Variants in CIITA observed in about 807,000 individuals in gnomAD.
CIITA encodes the protein class II major histocompatibility complex transactivator, also known as MHC class II transactivator.
In CIITA, 72 loss-of-function variants were observed where a neutral mutation model predicts 115.1. The observed-to-expected ratio is 0.63, with a 90% CI of 0.52 to 0.76. CIITA has a LOEUF of 0.76. Among genes scored for constraint, CIITA ranks in the 30% least tolerant of loss-of-function variants. The probability of loss-of-function intolerance (pLI) is 0.00; values close to 1 mark genes in which losing one functional copy is unlikely to be tolerated. For missense variants in CIITA, 1,617 were observed against 1,463.8 expected (o/e 1.10, Z -1.71); for synonymous variants, 763 against 635.6 (o/e 1.20, Z -3.02).
At position 10,904,785 on chromosome 16, in the gene CIITA, G is replaced by T. The variant is rs148597952; in HGVS notation, c.979G>T (p.Val327Phe). 3.7e-6 allele frequency: 6 copies of T among 1,614,038 alleles called. No homozygotes were observed. The highest frequency in any genetic ancestry group is 5.1e-6 in the Non-Finnish European group (6 of 1,180,012). The change falls in exon 10 of 20, where the codon GTC becomes TTC. Residue 327 changes from valine to phenylalanine, a missense_variant. By Grantham distance (50) the Val-to-Phe change is conservative. Transcript: ENST00000324288. The stretch of plus-strand genomic sequence containing the variant: ...CACCCAATGCCCGGCAGCTGGAGAG[G>T]TCTCCAACAAGCTTCCAAAATGGCC... The part of the protein sequence containing the change: ...SPTQCPAAGE[V>F]SNKLPKWPEP...
At chr16:10,922,943 G>A (rs1233387495) in intron 18 of CIITA, 1 of 539,378 alleles carries the variant, frequency 1.9e-6, no homozygotes, top group African/African-American at 1.9e-5. Context: ...GACGCACAGG[G>A]TGGGTCTTAC....
chr16:10,880,382 T>C (rs1323064253), intron 1 of CIITA, among the ~76,000 whole-genome samples: 2 of 152,244 alleles, frequency 1.3e-5, no homozygotes, highest in African/African-American at 4.8e-5. Flanking sequence ...CAAAAGTCCC[T>C]CAAGTCAGAG....
chr16:10,877,905 G>C (rs190981356), intron 1 of CIITA, among the ~76,000 whole-genome samples: 74 of 152,290 alleles, frequency 4.9e-4, no homozygotes, highest in African/African-American at 1.7e-3. Context: ...GTCAGGGGAC[G>C]GGGGAACAGA....
intron 13 of CIITA, chr16:10,915,149 C>G (rs1028055162): frequency 1.2e-5 from 5 of 423,424 alleles, no homozygotes; most frequent in Non-Finnish European, 2.3e-5. Context: ...CTCCTGGGCT[C>G]AAGCGATGCT....
intron 13 of CIITA, chr16:10,915,208 C>T (rs2039868817): frequency 1.1e-5 from 4 of 378,392 alleles, no homozygotes; most frequent in South Asian, 8.3e-5. Context: ...CACCACCACA[C>T]TTGGCTAATT....
chr16:10,922,056 C>T, intron 16 of CIITA, 111 bp from the exon 17 acceptor site: 1 of 946,622 alleles, frequency 1.1e-6, no homozygotes, highest in South Asian at 1.3e-5. Context: ...TTGATTCCTT[C>T]CCCCAGGGAT....
downstream of CIITA, chr16:10,937,996 G>C (rs2041052640): frequency 6.6e-6 from 1 of 152,200 alleles, no homozygotes; most frequent in African/African-American, 2.4e-5. The surrounding 1 kb of genome is among the most constrained non-coding windows in gnomAD (Gnocchi z 4.2). Flanking sequence ...CTGCTCACAG[G>C]ATATAAATAT....
rs894745855 is a variant in CIITA, at chr16:10,929,622, G to A, written c.*5767G>A. On this transcript the variant is annotated 3_prime_UTR_variant, in exon 20 of 20. Coordinates refer to ENST00000324288, the MANE Select transcript of CIITA (RefSeq NM_000246.4). The surrounding 1 kb of genome is among the most constrained non-coding windows in gnomAD (Gnocchi z 4.3). ...GCCCCACCCTGCCACCAGGTTGGCTGGGGACAGGGACCAATCCACCAGGCT... is the reference window on the plus strand; with the variant it reads ...GCCCCACCCTGCCACCAGGTTGGCTAGGGACAGGGACCAATCCACCAGGCT... The A allele has an allele frequency of 6.0e-5, 58 of 964,404 alleles. No homozygotes were observed. The African/African-American group carries it at 9.1e-4, about 15-fold the overall frequency. The allele number at this position is 964,404 out of a possible 1,614,324, so 59.7% of individuals were successfully genotyped here. A position where few individuals can be genotyped will look rare whatever the true frequency, so the allele number is the denominator to read the frequency against.
chr16:10,884,679 C>G (rs1482444262), intron 1 of CIITA, among the ~76,000 whole-genome samples: 2 of 152,178 alleles, frequency 1.3e-5, no homozygotes, highest in Non-Finnish European at 2.9e-5. Context: ...CCTCAGCCTC[C>G]CAAAGTGCTG....
chr16:10,902,225 TG>T (rs1188629590), intron 7 of CIITA, 41 bp downstream of exon 7: 2 of 1,612,470 alleles, frequency 1.2e-6, no homozygotes, highest in Non-Finnish European at 1.7e-6. Context: ...TTCTCCCTCT[TG>T]GGAGGTGGAT....
At chr16:10,911,965 A>G (rs935221874) in intron 13 of CIITA, among the ~76,000 whole-genome samples, 4 of 152,212 alleles carry the variant, frequency 2.6e-5, no homozygotes, top group African/African-American at 9.7e-5. Flanking sequence ...TGAGAACAAG[A>G]GACTTTAAAT....
In CIITA at chr16:10,925,334, G is replaced by A. The variant is rs2040487486; in HGVS notation, c.*1479G>A. The A allele has an allele frequency of 6.6e-6, 1 of 152,244 alleles. No individual in the cohort carries two copies. Among genetic ancestry groups the A allele is most frequent in the Non-Finnish European group, 1.5e-5 (1 of 68,076 alleles). 9.4% of individuals were successfully genotyped at this position (152,244 alleles called of 1,614,324 possible). A position where few individuals can be genotyped will look rare whatever the true frequency, so the allele number is the denominator to read the frequency against. ...ACATATATATGTTTTAAGAGGCAGG[G>A]TCTCACTCTGTCGCCCAGTCTGGAA... On this transcript the variant is annotated 3_prime_UTR_variant, in exon 20 of 20. Transcript: ENST00000324288.
chr16:10,941,602 G>C lies in CIITA; in HGVS notation n.728G>C. On this transcript the variant is annotated non_coding_transcript_exon_variant, in exon 2 of 2. Coordinates refer to the CIITA transcript ENST00000573379. This position sits in a 1 kb window ranked among gnomAD's most constrained non-coding sequence, Gnocchi z 6.4. ...GAGGCAGGGGAGGGTCTCCTCCTGGGGAACCATCCCCGTCCAGATGGTGCC... is the reference window on the plus strand; with the variant it reads ...GAGGCAGGGGAGGGTCTCCTCCTGGCGAACCATCCCCGTCCAGATGGTGCC... 1 of 1,488,402 alleles carries C rather than the reference G, an allele frequency of 6.7e-7. No individual in the cohort carries two copies. The highest frequency in any genetic ancestry group is 8.9e-7 in the Non-Finnish European group (1 of 1,120,450). The allele number at this position is 1,488,402 out of a possible 1,614,324, so 92.2% of individuals were successfully genotyped here.
chr16:10,907,982 C>G lies in CIITA; in HGVS notation c.2490C>G (p.Pro830=), dbSNP rs909171126. The change falls in exon 11 of 20, where the codon CCC becomes CCG. Residue 830 remains proline (P), a synonymous_variant. Transcript: ENST00000324288. This position sits in a 1 kb window ranked among gnomAD's most constrained non-coding sequence, Gnocchi z 5.0. ...GIWQHVVQEL[P]GRLSFLGTRL... is the part of the protein sequence containing the mutation. ...GGCAGCACGTGGTACAGGAGCTCCC[C>G]GGCCGCCTCTCTTTTCTGGGCACCC... 6.3e-7 allele frequency: 1 copy of G among 1,584,758 alleles called. No homozygotes were observed. The highest frequency in any genetic ancestry group is 8.6e-7 in the Non-Finnish European group (1 of 1,163,634).
At chr16:10,875,061 C>T (rs1284038640), upstream of CIITA, among the ~76,000 whole-genome samples, 7 of 152,082 alleles carry the variant, frequency 4.6e-5, no homozygotes, top group Non-Finnish European at 8.8e-5. Context: ...CTCCACCTCC[C>T]GGGTTCATGT....
At position 10,941,681 on chromosome 16, in the gene CIITA, G is replaced by T; in HGVS notation, n.807G>T. On this transcript the variant is annotated non_coding_transcript_exon_variant, in exon 2 of 2. Transcript: ENST00000573379. This position sits in a 1 kb window ranked among gnomAD's most constrained non-coding sequence, Gnocchi z 6.4. ...GCGGCTGGTCCAGGGCATGGGTTGC[G>T]GATCGTGTAGGGAAGAGGGGAACAG... The T allele has an allele frequency of 6.4e-7, 1 of 1,568,750 alleles. No individual in the cohort carries two copies. The highest frequency in any genetic ancestry group is 8.7e-7 in the Non-Finnish European group (1 of 1,154,656).
At position 10,907,052 on chromosome 16, in the gene CIITA, G is replaced by A. The variant is rs781538086; in HGVS notation, c.1560G>A (p.Ala520=). 22 of 1,607,236 alleles carry A rather than the reference G, an allele frequency of 1.4e-5. 1 individual carries two copies. The highest frequency in any genetic ancestry group is 1.3e-4 in the Admixed American group (8 of 60,000). The change falls in exon 11 of 20, where the codon GCG becomes GCA. Residue 520 remains alanine, a synonymous_variant. Coordinates refer to ENST00000324288, the MANE Select transcript of CIITA (RefSeq NM_000246.4). The surrounding 1 kb of genome is among the most constrained non-coding windows in gnomAD (Gnocchi z 5.0). ...ACAGCACGTGCGGACCGGCACCGGC[G>A]GAGCCCTGCTCCCTCCGGGGGCTGC... The part of the protein sequence containing the change: ...FLHSTCGPAP[A]EPCSLRGLLA...
chr16:10,919,568 G>A (rs1052435510), intron 16 of CIITA, among the ~76,000 whole-genome samples: 1 of 151,980 alleles, frequency 6.6e-6, no homozygotes, highest in Non-Finnish European at 1.5e-5. Context: ...TAGTGCAGGG[G>A]TGCAATGATG....
intron 3 of CIITA, among the ~76,000 whole-genome samples, chr16:10,898,264 C>T (rs1567396054): frequency 1.3e-5 from 2 of 152,074 alleles, no homozygotes. Flanking sequence ...CTAATTATCA[C>T]CATCGATTCC....
Sources: allele counts gnomAD v4.1 joint callset (sites outside exome capture counted in the v4.1 genomes callset), GRCh38; gene constraint gnomAD v4.1.1; non-coding constraint Gnocchi (gnomAD v3.1); transcripts MANE v1.5; gene names NCBI Gene and HGNC (gene_info 2026-07-23, HGNC 2026-07-21).